Variants in FKBP6 observed in about 807,000 individuals in gnomAD.
FKBP6 encodes the protein inactive peptidyl-prolyl cis-trans isomerase FKBP6.
In FKBP6, 29 loss-of-function variants were observed where a neutral mutation model predicts 41.7. The observed-to-expected ratio is 0.70, with a 90% CI of 0.52 to 0.95. The LOEUF (loss-of-function observed/expected upper bound fraction) is 0.95, where lower values mean the gene tolerates loss of function less well. FKBP6 is among the 40% of genes least tolerant of loss of function. FKBP6 has a pLI of 0.00. For synonymous variants in FKBP6, 130 were observed against 165.1 expected (o/e 0.79, Z 1.63); for missense variants, 338 against 408.7 (o/e 0.83, Z 1.49).
chr7:73,354,376 C>A (rs1554551594), intron 8 of FKBP6, among the ~76,000 whole-genome samples: 1 of 152,208 alleles, frequency 6.6e-6, no homozygotes, highest in African/African-American at 2.4e-5. Flanking sequence ...GAGTGGCCGC[C>A]AGAGAGCCAG....
chr7:73,357,482 A>G (rs1554552122), intron 8 of FKBP6, among the ~76,000 whole-genome samples: 1 of 151,520 alleles, frequency 6.6e-6, no homozygotes, highest in Non-Finnish European at 1.5e-5. Flanking sequence ...CTGGTCTCGA[A>G]CTACTGATGT....
intron 4 of FKBP6, among the ~76,000 whole-genome samples, chr7:73,331,009 C>T (rs1039840082): frequency 1.3e-5 from 2 of 152,170 alleles, no homozygotes; most frequent in Admixed American, 1.3e-4. Flanking sequence ...CATGGAGTCT[C>T]CCCAGCTAAA....
At chr7:73,351,904 A>G (rs1481358840) in intron 8 of FKBP6, among the ~76,000 whole-genome samples, 1 of 152,160 alleles carries the variant, frequency 6.6e-6, no homozygotes, top group Admixed American at 6.6e-5. Context: ...ATCTCTTGCT[A>G]TGACATTAGC....
At chr7:73,334,655 G>T (rs1804949075) in intron 5 of FKBP6, among the ~76,000 whole-genome samples, 1 of 152,048 alleles carries the variant, frequency 6.6e-6, no homozygotes, top group South Asian at 2.1e-4. Context: ...AGGGCTATTT[G>T]TTCTTCCCCT....
At chr7:73,355,939 G>A (rs1274201756) in intron 8 of FKBP6, among the ~76,000 whole-genome samples, 4 of 151,712 alleles carry the variant, frequency 2.6e-5, no homozygotes, top group African/African-American at 4.8e-5. Flanking sequence ...GGTAGCGGGC[G>A]CCTGTGGTCC....
chr7:73,349,643 G>A (rs1805434032), intron 8 of FKBP6, among the ~76,000 whole-genome samples: 1 of 149,526 alleles, frequency 6.7e-6, no homozygotes. Flanking sequence ...GAACCCAGGA[G>A]GCAGAAGTTG....
intron 4 of FKBP6, 99 bp from the exon 5 acceptor site, chr7:73,331,558 G>A (rs1174479667): frequency 2.5e-6 from 3 of 1,189,916 alleles, no homozygotes; most frequent in African/African-American, 1.5e-5. Flanking sequence ...ATGTTGCCCA[G>A]GCTGGTCTCG....
In FKBP6 at chr7:73,330,428, G is replaced by A. The variant is rs1308119817; in HGVS notation, c.468+76G>A. On this transcript the variant is annotated intron_variant, in intron 4 of 8. Transcript: ENST00000252037. Reference sequence around the variant, plus strand: ...GGTGTTATTGGTAATTCTTCTAGATGGCCTGCCCTGAGGCTGATCGTCCTC... The same window carrying A: ...GGTGTTATTGGTAATTCTTCTAGATAGCCTGCCCTGAGGCTGATCGTCCTC... 5.1e-6 allele frequency: 6 copies of A among 1,176,134 alleles called. No individual in the cohort carries two copies. The Admixed American group carries it at 9.0e-5, about 18-fold the overall frequency. 72.9% of individuals were successfully genotyped at this position (1,176,134 alleles called of 1,614,324 possible).
chr7:73,333,751 AATAC>A (rs1324253332), intron 5 of FKBP6, among the ~76,000 whole-genome samples: 2 of 152,194 alleles, frequency 1.3e-5, no homozygotes, highest in African/African-American at 4.8e-5. Context: ...TTGGTTTTTA[AATAC>A]ATATTTGTCT....
intron 8 of FKBP6, among the ~76,000 whole-genome samples, chr7:73,347,460 CA>C (rs1452039940): frequency 2.6e-5 from 4 of 152,180 alleles, no homozygotes; most frequent in African/African-American, 9.7e-5. Context: ...CCACAGGGCT[CA>C]ATACTATGTT....
intron 5 of FKBP6, among the ~76,000 whole-genome samples, chr7:73,339,940 C>G (rs572942381): frequency 5.3e-5 from 8 of 152,250 alleles, no homozygotes; most frequent in African/African-American, 1.9e-4. Context: ...ATCAACTTGT[C>G]TGTGTCTACA....
chr7:73,339,181 T>C (rs1268530715), intron 5 of FKBP6: 2 of 152,262 alleles, frequency 1.3e-5, no homozygotes, highest in East Asian at 3.8e-4. Context: ...TTTTAGTATA[T>C]GTGCTGCCGA....
At position 73,358,573 on chromosome 7, in the gene FKBP6, A is replaced by G. The variant is rs147547392; in HGVS notation, c.*395A>G. ...GGTTCTCTGTTTTGAAGACAGAATT[A>G]TGTTACAAATGTTTTTGTTGTAAAT... On this transcript the variant is annotated 3_prime_UTR_variant, in exon 9 of 9. Transcript: ENST00000252037. 3 of 152,710 alleles carry G rather than the reference A, an allele frequency of 2.0e-5. No individual in the cohort carries two copies. The East Asian group carries it at 5.8e-4, about 29-fold the overall frequency. 9.5% of individuals were successfully genotyped at this position (152,710 alleles called of 1,614,324 possible). A position where few individuals can be genotyped will look rare whatever the true frequency, so the allele number is the denominator to read the frequency against.
intron 8 of FKBP6, among the ~76,000 whole-genome samples, chr7:73,357,595 T>C (rs1805670330): frequency 6.6e-6 from 1 of 152,120 alleles, no homozygotes; most frequent in African/African-American, 2.4e-5. Flanking sequence ...TCCCGTTGCC[T>C]GTGGTTCTGG....
intron 7 of FKBP6, 33 bp from the exon 8 acceptor site, chr7:73,342,774 C>A: frequency 6.9e-7 from 1 of 1,446,984 alleles, no homozygotes; most frequent in Non-Finnish European, 9.7e-7. Flanking sequence ...CAAACACAGA[C>A]CTCCTCTAAC....
chr7:73,340,752 C>A lies in FKBP6; in HGVS notation c.703C>A (p.Pro235Thr). ...CTTTACATACCTGAAGCTAGACCGA[C>A]CCACCATAGCCCTGTGCTATGGAGA... ...LSFTYLKLDRPTIALCYGEQA... is the reference protein window; with the variant it reads ...LSFTYLKLDRTTIALCYGEQA... Residue 235 changes from proline to threonine, a missense_variant, in exon 6 of 9, where the codon CCC becomes ACC. By Grantham distance (38) the Pro-to-Thr change is conservative. Coordinates refer to ENST00000252037, the MANE Select transcript of FKBP6 (RefSeq NM_003602.5). 1 of 1,613,898 alleles carries A rather than the reference C, an allele frequency of 6.2e-7. No individual in the cohort carries two copies. Among genetic ancestry groups the A allele is most frequent in the Non-Finnish European group, 8.5e-7 (1 of 1,179,966 alleles).
chr7:73,344,060 G>T (rs1027527891), intron 8 of FKBP6, among the ~76,000 whole-genome samples: 2 of 152,230 alleles, frequency 1.3e-5, no homozygotes, highest in African/African-American at 2.4e-5. Context: ...TGGCCTTCAG[G>T]TCTTTCAGTG....
In FKBP6 at chr7:73,341,262, C is replaced by T. The variant is rs1554549509; in HGVS notation, c.784-11C>T. 4 of 1,577,246 alleles carry T rather than the reference C, an allele frequency of 2.5e-6. No homozygotes were observed. In the African/African-American group the frequency reaches 4.0e-5, roughly 16 times the overall value. Reference sequence around the variant, plus strand: ...TCTAACTGTGCTTTTAAAGTTCTCTCCTTGGGACAGGCTTGTCTTCTCCTG... The same window carrying T: ...TCTAACTGTGCTTTTAAAGTTCTCTTCTTGGGACAGGCTTGTCTTCTCCTG... On this transcript the variant is annotated splice_polypyrimidine_tract_variant and intron_variant, in intron 6 of 8. Coordinates refer to ENST00000252037, the MANE Select transcript of FKBP6 (RefSeq NM_003602.5).
chr7:73,357,021 T>TC (rs1206161700), intron 8 of FKBP6, among the ~76,000 whole-genome samples: 2 of 151,892 alleles, frequency 1.3e-5, no homozygotes, highest in African/African-American at 4.8e-5. Flanking sequence ...CCTCAGGTGA[T>TC]CCCCCCCAGC....
Sources: gnomAD v4.1 joint callset for allele counts (sites outside exome capture counted in the v4.1 genomes callset) on GRCh38, gnomAD v4.1.1 for gene constraint, MANE v1.5 for transcripts, NCBI Gene and HGNC (gene_info 2026-07-23, HGNC 2026-07-21) for gene names.